Variants in LARGE1 observed in about 807,000 individuals in gnomAD.
LARGE1 encodes xylosyl- and glucuronyltransferase LARGE1.
Under a neutral mutation model 87.6 loss-of-function variants are expected in LARGE1, and 43 were observed. That is an observed-to-expected ratio of 0.49 (90% CI 0.38 to 0.63). LARGE1 has a LOEUF of 0.63. Among genes scored for constraint, LARGE1 ranks in the 30% least tolerant of loss-of-function variants. LARGE1 has a pLI of 0.00. For missense variants in LARGE1, 802 were observed against 1,000.2 expected (o/e 0.80, Z 2.67); for synonymous variants, 434 against 394.6 (o/e 1.10, Z -1.18).
At chr22:33,463,162 C>A (rs62225316) in intron 6 of LARGE1, among the ~76,000 whole-genome samples, 1 of 150,718 alleles carries the variant, frequency 6.6e-6, no homozygotes, top group Non-Finnish European at 1.5e-5. Flanking sequence ...TCTTGGTGGC[C>A]GCAATCTAGT....
At chr22:33,653,093 G>A (rs964880254) in intron 2 of LARGE1, among the ~76,000 whole-genome samples, 14 of 152,114 alleles carry the variant, frequency 9.2e-5, no homozygotes, top group Non-Finnish European at 2.9e-5. Flanking sequence ...TAATAATTGC[G>A]TTTTCTCAAC....
chr22:33,318,044 G>A (rs1486378662), intron 10 of LARGE1, among the ~76,000 whole-genome samples: 22 of 151,906 alleles, frequency 1.4e-4, no homozygotes, highest in Admixed American at 1.4e-3. Flanking sequence ...AGACCAGCTT[G>A]GCCAAGATGG....
At chr22:33,082,900 C>T in the LARGE1 span, among the ~76,000 whole-genome samples, 2 of 152,142 alleles carry the variant, frequency 1.3e-5, no homozygotes, top group Admixed American at 6.6e-5. Context: ...TGGCGGGCAC[C>T]TGTAGTCCCA....
At chr22:33,899,779 G>C (rs879425033) in intron 1 of LARGE1, among the ~76,000 whole-genome samples, 2 of 152,180 alleles carry the variant, frequency 1.3e-5, no homozygotes, top group Non-Finnish European at 1.5e-5. Context: ...CAATTGATGG[G>C]AATAACATGA....
At chr22:33,744,784 G>A (rs1042013302) in intron 2 of LARGE1, among the ~76,000 whole-genome samples, 29 of 152,204 alleles carry the variant, frequency 1.9e-4, no homozygotes, top group African/African-American at 6.0e-4. Context: ...AAGGAGGGAG[G>A]AGAAGGAGGA....
chr22:33,851,959 T>C (rs2063595453), intron 1 of LARGE1, among the ~76,000 whole-genome samples: 1 of 152,192 alleles, frequency 6.6e-6, no homozygotes, highest in South Asian at 2.1e-4. Context: ...TCAGTGTTGA[T>C]GATTGAGTGG....
the LARGE1 span, among the ~76,000 whole-genome samples, chr22:33,105,082 C>G: frequency 1.3e-5 from 2 of 151,864 alleles, no homozygotes; most frequent in African/African-American, 4.8e-5. Flanking sequence ...ACCACAATCT[C>G]CGACTCCTGG....
chr22:33,888,772 G>C (rs187619714), intron 1 of LARGE1, among the ~76,000 whole-genome samples: 1 of 151,984 alleles, frequency 6.6e-6, no homozygotes, highest in Non-Finnish European at 1.5e-5. Flanking sequence ...CACAAGAATC[G>C]CTTGAACCCA....
At chr22:33,141,707 C>T in the LARGE1 span, among the ~76,000 whole-genome samples, 1 of 152,140 alleles carries the variant, frequency 6.6e-6, no homozygotes, top group Non-Finnish European at 1.5e-5. Context: ...ACCCACTCTA[C>T]ATACAATATG....
chr22:33,310,749 C>A (rs528553511), intron 11 of LARGE1, among the ~76,000 whole-genome samples: 1 of 152,182 alleles, frequency 6.6e-6, no homozygotes, highest in African/African-American at 2.4e-5. Flanking sequence ...CTTCATAAGC[C>A]TGCAGTGCCG....
chr22:33,619,857 A>G (rs1055038531), intron 4 of LARGE1, among the ~76,000 whole-genome samples: 1 of 152,234 alleles, frequency 6.6e-6, no homozygotes, highest in East Asian at 1.9e-4. Flanking sequence ...GTATTTGTTA[A>G]ATAAATAAAA....
the LARGE1 span, chr22:33,116,086 T>C: frequency 6.6e-6 from 1 of 152,152 alleles, no homozygotes; most frequent in African/African-American, 2.4e-5. Flanking sequence ...CAAAAAACAA[T>C]CTTATATTCC....
At chr22:33,724,945 GT>G (rs1302075972) in intron 2 of LARGE1, 1 of 152,442 alleles carries the variant, frequency 6.6e-6, no homozygotes, top group Non-Finnish European at 1.5e-5. Context: ...GAGGAGGAGG[GT>G]TCTGATTCTG....
chr22:33,868,119 A>T (rs2064161275), intron 1 of LARGE1, among the ~76,000 whole-genome samples: 1 of 152,224 alleles, frequency 6.6e-6, no homozygotes. Context: ...AATTCATACC[A>T]GCAACCTCGT....
At chr22:33,275,697 A>C (rs953627394) in intron 14 of LARGE1, among the ~76,000 whole-genome samples, 5 of 152,242 alleles carry the variant, frequency 3.3e-5, no homozygotes. Flanking sequence ...TATGTCTGGG[A>C]CATGCTATTC....
intron 1 of LARGE1, among the ~76,000 whole-genome samples, chr22:33,801,647 C>T (rs1018919241): frequency 9.9e-5 from 15 of 152,140 alleles, no homozygotes; most frequent in African/African-American, 3.6e-4. Context: ...CAGTCAGTGG[C>T]GTCTCTTTTC....
At chr22:33,534,903 C>A (rs2076997705) in intron 6 of LARGE1, among the ~76,000 whole-genome samples, 1 of 152,192 alleles carries the variant, frequency 6.6e-6, no homozygotes, top group African/African-American at 2.4e-5. Flanking sequence ...ATGCAGAGTC[C>A]CATCCCCACC....
chr22:33,244,643 T>C (rs948752793), intron 11 of LARGE1, among the ~76,000 whole-genome samples: 1 of 152,212 alleles, frequency 6.6e-6, no homozygotes, highest in African/African-American at 2.4e-5. Context: ...TTAGTCTCTG[T>C]AGGCAGTTAG....
chr22:33,791,018 C>G (rs758987822), intron 1 of LARGE1, among the ~76,000 whole-genome samples: 3 of 152,078 alleles, frequency 2.0e-5, no homozygotes, highest in Non-Finnish European at 1.5e-5. Context: ...TTTTACCTAC[C>G]ACAAACACAA....
Sources: gnomAD v4.1 joint callset for allele counts (sites outside exome capture counted in the v4.1 genomes callset) on GRCh38, gnomAD v4.1.1 for gene constraint, MANE v1.5 for transcripts, NCBI Gene and HGNC (gene_info 2026-07-23, HGNC 2026-07-21) for gene names.